The following SNCAIP variants were observed in gnomAD, a reference collection of about 807,000 sequenced individuals.
SNCAIP encodes the protein synphilin-1.
Under a neutral mutation model 86.7 loss-of-function variants are expected in SNCAIP, and 43 were observed. That is an observed-to-expected ratio of 0.50 (90% CI 0.39 to 0.64). The LOEUF is 0.64. SNCAIP is among the 30% of genes least tolerant of loss of function. The pLI, the probability that SNCAIP is intolerant of heterozygous loss-of-function variation, is 0.00. For synonymous variants in SNCAIP, 417 were observed against 427.2 expected (o/e 0.98, Z 0.29); for missense variants, 981 against 1,103.1 (o/e 0.89, Z 1.57).
chr5:122,419,078 T>C (rs1254396190), intron 3 of SNCAIP, among the ~76,000 whole-genome samples: 1 of 152,092 alleles, frequency 6.6e-6, no homozygotes, highest in Non-Finnish European at 1.5e-5. Context: ...GGAAAGAGAA[T>C]AGTCAAGGAT....
At chr5:122,335,844 A>G (rs1756336566) in intron 1 of SNCAIP, among the ~76,000 whole-genome samples, 1 of 152,202 alleles carries the variant, frequency 6.6e-6, no homozygotes, top group African/African-American at 2.4e-5. Context: ...GGCTCTTTCT[A>G]GCCCAGGGCA....
At chr5:122,350,745 G>A (rs1441469480) in intron 1 of SNCAIP, among the ~76,000 whole-genome samples, 2 of 152,184 alleles carry the variant, frequency 1.3e-5, no homozygotes, top group Non-Finnish European at 2.9e-5. Context: ...ACTGCCTGCA[G>A]GCTGCTTTGC....
At chr5:122,331,949 T>C (rs1222252839) in intron 1 of SNCAIP, among the ~76,000 whole-genome samples, 2 of 152,372 alleles carry the variant, frequency 1.3e-5, no homozygotes, top group African/African-American at 2.4e-5. Flanking sequence ...CAGTAAATAT[T>C]TGTTGAATGA....
chr5:122,327,200 C>T (rs1754284944), intron 1 of SNCAIP, among the ~76,000 whole-genome samples: 1 of 152,090 alleles, frequency 6.6e-6, no homozygotes, highest in African/African-American at 2.4e-5. Flanking sequence ...GTTTTCACCA[C>T]ATCAGTTGTG....
chr5:122,323,942 A>T (rs748136318), intron 1 of SNCAIP, among the ~76,000 whole-genome samples: 1 of 152,206 alleles, frequency 6.6e-6, no homozygotes. Context: ...AAAAATGCAA[A>T]GATGATTCTT....
At chr5:122,403,745 C>T (rs986405735) in intron 2 of SNCAIP, 48 bp from the exon 3 acceptor site, 10 of 1,441,790 alleles carry the variant, frequency 6.9e-6, no homozygotes, top group African/African-American at 2.8e-5. Context: ...AGTGAATGCT[C>T]GCATTTTAAA....
chr5:122,442,112 C>CTTTTTTTTTTTTTTTTT (rs10688988), intron 7 of SNCAIP, among the ~76,000 whole-genome samples: 1 of 65,732 alleles, frequency 1.5e-5, no homozygotes, highest in African/African-American at 5.8e-5. Flanking sequence ...AAGCAGTACT[C>CTTTTTTTTTTTTTTTTT]TTTTTTTTTT....
chr5:122,372,308 T>A (rs1408227877), intron 1 of SNCAIP, among the ~76,000 whole-genome samples: 1 of 152,192 alleles, frequency 6.6e-6, no homozygotes, highest in Non-Finnish European at 1.5e-5. Context: ...CCAGTTTCCA[T>A]GGTGTAAATA....
At chr5:122,387,718 C>T (rs148322834) in intron 1 of SNCAIP, among the ~76,000 whole-genome samples, 255 of 152,264 alleles carry the variant, frequency 1.7e-3, no homozygotes, top group African/African-American at 5.7e-3. Flanking sequence ...CCTTCCTTCC[C>T]CCAGTTGTAA....
chr5:122,363,986 C>CT (rs1762687530), intron 1 of SNCAIP, among the ~76,000 whole-genome samples: 1 of 151,856 alleles, frequency 6.6e-6, no homozygotes. Flanking sequence ...CCACACCAGG[C>CT]TAATTAAAAA....
At chr5:122,432,416 A>AG (rs1343702991) in intron 6 of SNCAIP, among the ~76,000 whole-genome samples, 8 of 152,194 alleles carry the variant, frequency 5.3e-5, no homozygotes, top group African/African-American at 1.9e-4. Context: ...GGAGATAAAG[A>AG]GAAATAGAAA....
At chr5:122,450,362 T>C (rs945363722) in intron 9 of SNCAIP, among the ~76,000 whole-genome samples, 171 bp from the exon 10 acceptor site, 1 of 152,260 alleles carries the variant, frequency 6.6e-6, no homozygotes, top group Non-Finnish European at 1.5e-5. Context: ...AGGCACCTTA[T>C]AGCTGATACT....
chr5:122,451,225 C>T lies in SNCAIP; in HGVS notation c.2378C>T (p.Thr793Ile), dbSNP rs778907574. Residue 793 changes from threonine to isoleucine, a missense_variant, in exon 10 of 11, where the codon ACA becomes ATA. By Grantham distance (89) the Thr-to-Ile change is moderately conservative (BLOSUM62 -1). Transcript: ENST00000261368. Reference protein sequence around the residue: ...PDSTAAQKVATSPKSALKSPS... With the variant: ...PDSTAAQKVAISPKSALKSPS... ...AGTACTGCTGCCCAGAAAGTTGCCA[C>T]AAGTCCCAAGAGTGCCCTCAAGTCT... The T allele has an allele frequency of 6.2e-7, 1 of 1,614,044 alleles. No individual in the cohort carries two copies. The highest frequency in any genetic ancestry group is 1.7e-5 in the Admixed American group (1 of 60,004).
chr5:122,461,550 C>T (rs1223978846), intron 10 of SNCAIP, among the ~76,000 whole-genome samples: 1 of 151,924 alleles, frequency 6.6e-6, no homozygotes, highest in Non-Finnish European at 1.5e-5. Context: ...GTTTGAATCT[C>T]TAATATATCT....
intron 1 of SNCAIP, among the ~76,000 whole-genome samples, chr5:122,349,488 A>G (rs1444023609): frequency 6.6e-6 from 1 of 152,226 alleles, no homozygotes; most frequent in African/African-American, 2.4e-5. Flanking sequence ...GTTTTAATAC[A>G]TAGAAACTTT....
rs371190796 is a variant in SNCAIP at position 122,369,142 on chromosome 5, G to T, written c.-46-21947G>T. ...TGTATAGGTTCAGACTCAGAATCAAGTTTCAGCCATCCTTTCTTAGAAGAC... is the reference window on the plus strand; with the variant it reads ...TGTATAGGTTCAGACTCAGAATCAATTTTCAGCCATCCTTTCTTAGAAGAC... On this transcript the variant is annotated intron_variant, in intron 1 of 10. Coordinates refer to ENST00000261368, the MANE Select transcript of SNCAIP (RefSeq NM_005460.4). Among the ~76,000 whole-genome samples, 10 of 152,264 alleles carry T rather than the reference G, an allele frequency of 6.6e-5. No homozygotes were observed. In the East Asian group the frequency reaches 1.9e-3, roughly 29 times the overall value.
chr5:122,461,916 G>T (rs1196783070), intron 10 of SNCAIP, among the ~76,000 whole-genome samples: 4 of 152,110 alleles, frequency 2.6e-5, no homozygotes, highest in Non-Finnish European at 4.4e-5. Flanking sequence ...TGATCTACCT[G>T]CCTCAGCCTC....
At chr5:122,448,706 C>CATATATATAATATATATGTTTTATATAT (rs1783018669) in intron 8 of SNCAIP, among the ~76,000 whole-genome samples, 1 of 105,756 alleles carries the variant, frequency 9.5e-6, no homozygotes, top group African/African-American at 3.1e-5. Context: ...ATATTATATA[C>CATATATATAATATATATGTTTTATATAT]ATATATATAA....
Position 122,464,068 on chromosome 5 carries a change from G to C in SNCAIP, c.*572G>C, listed in dbSNP as rs1182906450. 1.3e-5 allele frequency: 2 copies of C among 152,030 alleles called. No individual in the cohort carries two copies. Among genetic ancestry groups the C allele is most frequent in the Non-Finnish European group, 2.9e-5 (2 of 68,034 alleles). The allele number at this position is 152,030 out of a possible 1,614,324, so 9.4% of individuals were successfully genotyped here. On this transcript the variant is annotated 3_prime_UTR_variant, in exon 11 of 11. Transcript: ENST00000261368. ...ATGTTAACAGCCACCTATAAGCTTG[G>C]GGCACCTACTTTCTAACAAATCTGT...
Sources: allele counts gnomAD v4.1 joint callset (sites outside exome capture counted in the v4.1 genomes callset), GRCh38; gene constraint gnomAD v4.1.1; transcripts MANE v1.5; gene names NCBI Gene and HGNC (gene_info 2026-07-23, HGNC 2026-07-21).